Variants in PDZRN4 observed in about 807,000 individuals in gnomAD.
PDZRN4 encodes the protein PDZ domain-containing RING finger protein 4.
In PDZRN4, 70 loss-of-function variants were observed where a neutral mutation model predicts 99.0. The observed-to-expected ratio is 0.71, with a 90% CI of 0.58 to 0.86. The LOEUF is 0.86. Among genes scored for constraint, PDZRN4 ranks in the 40% least tolerant of loss-of-function variants. The probability of loss-of-function intolerance (pLI) is 0.00; values close to 1 mark genes in which losing one functional copy is unlikely to be tolerated. For missense variants in PDZRN4, 1,474 were observed against 1,331.2 expected, an observed-to-expected ratio of 1.11 and a Z score of -1.67; for synonymous variants, 551 against 501.6, an observed-to-expected ratio of 1.10 and a Z score of -1.32.
chr12:41,234,152 C>A (rs1331674453), intron 3 of PDZRN4, among the ~76,000 whole-genome samples: 1 of 151,750 alleles, frequency 6.6e-6, no homozygotes, highest in Non-Finnish European at 1.5e-5. Flanking sequence ...CCTTTAAACC[C>A]CCCAATTTAT....
chr12:41,524,399 A>G (rs1435272143), intron 5 of PDZRN4, among the ~76,000 whole-genome samples: 1 of 152,210 alleles, frequency 6.6e-6, no homozygotes, highest in Non-Finnish European at 1.5e-5. Context: ...CATTTTACAT[A>G]TGAAAGAACT....
chr12:41,471,810 A>T (rs1342490530), intron 3 of PDZRN4, among the ~76,000 whole-genome samples: 1 of 151,634 alleles, frequency 6.6e-6, no homozygotes, highest in Non-Finnish European at 1.5e-5. Flanking sequence ...AAAATGTGCT[A>T]CTTTTATAAA....
rs537365005 is a variant in PDZRN4 at position 41,399,327 on chromosome 12, G to A, written c.844-107129G>A. ...TATTAAAATTCAAATAGTGAATTGT[G>A]TCCCTATATTCTATTGCTTATTCTT... is the stretch of plus-strand genomic sequence containing the variant. On this transcript the variant is annotated intron_variant, in intron 3 of 9. Transcript: ENST00000402685. Among the ~76,000 whole-genome samples the A allele has an allele frequency of 3.1e-3, 471 of 152,256 alleles. 2 individuals carry two copies. Among genetic ancestry groups the A allele is most frequent in the Non-Finnish European group, 5.7e-3 (387 of 68,022 alleles).
At chr12:41,455,624 C>T (rs1035949941) in intron 3 of PDZRN4, among the ~76,000 whole-genome samples, 4 of 152,128 alleles carry the variant, frequency 2.6e-5, no homozygotes, top group South Asian at 2.1e-4. Context: ...CAAACTCCTC[C>T]CCGATCTTAG....
intron 3 of PDZRN4, among the ~76,000 whole-genome samples, chr12:41,226,223 C>A (rs540606334): frequency 6.6e-6 from 1 of 152,078 alleles, no homozygotes; most frequent in Non-Finnish European, 1.5e-5. Context: ...ACATGAGGTC[C>A]GTGGTGAGCA....
intron 3 of PDZRN4, among the ~76,000 whole-genome samples, chr12:41,250,361 T>G (rs1951160788): frequency 6.6e-6 from 1 of 152,204 alleles, no homozygotes; most frequent in African/African-American, 2.4e-5. Flanking sequence ...AATGCCTTGA[T>G]TATTCCACCA....
At chr12:41,340,374 T>C (rs1451715042) in intron 3 of PDZRN4, among the ~76,000 whole-genome samples, 1 of 151,900 alleles carries the variant, frequency 6.6e-6, no homozygotes, top group Non-Finnish European at 1.5e-5. Flanking sequence ...AATCTAAAAC[T>C]AAAAGCAATT....
chr12:41,562,523 C>T (rs891817075), intron 7 of PDZRN4, among the ~76,000 whole-genome samples: 2 of 152,048 alleles, frequency 1.3e-5, no homozygotes, highest in African/African-American at 4.8e-5. Flanking sequence ...ATTACTTGAT[C>T]TCTTTAATTG....
intron 3 of PDZRN4, among the ~76,000 whole-genome samples, chr12:41,283,261 G>C (rs185584017): frequency 1.3e-5 from 2 of 152,096 alleles, no homozygotes; most frequent in African/African-American, 2.4e-5. Flanking sequence ...TAGAAAATCT[G>C]GAAGAATGGA....
At chr12:41,233,891 T>C (rs1178700297) in intron 3 of PDZRN4, among the ~76,000 whole-genome samples, 2 of 151,846 alleles carry the variant, frequency 1.3e-5, no homozygotes, top group South Asian at 2.1e-4. Flanking sequence ...TATACATATG[T>C]AACAAGCCTG....
At chr12:41,263,954 T>C (rs1951260889) in intron 3 of PDZRN4, among the ~76,000 whole-genome samples, 1 of 152,210 alleles carries the variant, frequency 6.6e-6, no homozygotes, top group East Asian at 1.9e-4. Context: ...AATCAAGCTG[T>C]GGCCCAAAAC....
chr12:41,482,908 C>T (rs139748057), intron 3 of PDZRN4, among the ~76,000 whole-genome samples: 2 of 152,050 alleles, frequency 1.3e-5, no homozygotes, highest in East Asian at 3.9e-4. Flanking sequence ...GAGGTTAGCC[C>T]AGGATCAACC....
At chr12:41,196,198 C>T (rs970340699) in intron 3 of PDZRN4, among the ~76,000 whole-genome samples, 12 of 151,848 alleles carry the variant, frequency 7.9e-5, no homozygotes, top group African/African-American at 2.7e-4. Context: ...TCAGATTAAC[C>T]TTATTTAAAC....
Position 41,572,602 on chromosome 12 carries a change from C to G in PDZRN4, c.1823C>G (p.Ser608Cys), listed in dbSNP as rs1939501954. 6.2e-7 allele frequency: 1 copy of G among 1,614,136 alleles called. No homozygotes were observed. Among genetic ancestry groups the G allele is most frequent in the Non-Finnish European group, 8.5e-7 (1 of 1,179,992 alleles). Residue 608 changes from serine (S) to cysteine (C), a missense_variant, in exon 10 of 10, where the codon TCT (serine) becomes TGT (cysteine). Physicochemically the swap from Ser to Cys is moderately radical, Grantham distance 112. Transcript: ENST00000402685. ...CTTCAGTACAATGAGAGCCTCGTAT[C>G]TGGTGAATACATTGACTCAGACTGC... ...VELQYNESLVSGEYIDSDCIG... is the reference protein window; with the variant it reads ...VELQYNESLVCGEYIDSDCIG...
At chr12:41,296,996 A>G (rs1234352466) in intron 3 of PDZRN4, among the ~76,000 whole-genome samples, 2 of 152,080 alleles carry the variant, frequency 1.3e-5, no homozygotes, top group African/African-American at 2.4e-5. Context: ...AAAGGGCATC[A>G]ATTTTTCTTC....
chr12:41,335,430 C>G (rs898737601), intron 3 of PDZRN4, among the ~76,000 whole-genome samples: 8 of 151,964 alleles, frequency 5.3e-5, no homozygotes, highest in African/African-American at 1.9e-4. Context: ...AAATGTTGTA[C>G]TTTTTCTTAT....
intron 3 of PDZRN4, among the ~76,000 whole-genome samples, chr12:41,333,806 A>G (rs1951754868): frequency 6.6e-6 from 1 of 152,118 alleles, no homozygotes; most frequent in African/African-American, 2.4e-5. Flanking sequence ...ACACATCATG[A>G]TTTGTGGGGT....
At chr12:41,430,959 G>A (rs183497512) in intron 3 of PDZRN4, among the ~76,000 whole-genome samples, 10 of 152,296 alleles carry the variant, frequency 6.6e-5, no homozygotes, top group African/African-American at 2.4e-4. Flanking sequence ...GGAGCAAGAT[G>A]GGAGTGGTGC....
chr12:41,214,289 C>T (rs1259593463), intron 3 of PDZRN4, among the ~76,000 whole-genome samples: 1 of 137,676 alleles, frequency 7.3e-6, no homozygotes, highest in Non-Finnish European at 1.5e-5. Flanking sequence ...GTTAACCAGG[C>T]ATGGTGGTAC....
Sources: gnomAD v4.1 joint callset for allele counts (sites outside exome capture counted in the v4.1 genomes callset) on GRCh38, gnomAD v4.1.1 for gene constraint, MANE v1.5 for transcripts, NCBI Gene and HGNC (gene_info 2026-07-23, HGNC 2026-07-21) for gene names.